The following DAAM1 variants were observed in gnomAD, a reference collection of about 807,000 sequenced individuals.
The protein encoded by DAAM1 is disheveled-associated activator of morphogenesis 1.
In DAAM1, 52 loss-of-function variants were observed where a neutral mutation model predicts 130.0. The ratio of observed to expected loss-of-function variants is 0.40; its 90% CI spans 0.32 to 0.50. DAAM1 has a LOEUF of 0.50. Ranked by LOEUF, DAAM1 falls within the 20% of genes least tolerant of loss-of-function variation. The pLI is 0.61. For synonymous variants in DAAM1, 452 were observed against 444.5 expected (o/e 1.02, Z -0.21); for missense variants, 1,134 against 1,303.8 (o/e 0.87, Z 2.01).
chr14:59,323,359 C>A, intron 6 of DAAM1, 134 bp downstream of exon 6: 1 of 949,794 alleles, frequency 1.1e-6, no homozygotes, highest in Non-Finnish European at 1.5e-6. Context: ...TGACTTTAAA[C>A]ATTCCCTTCT....
rs1266272239 is a variant in DAAM1, at chr14:59,241,156, T to C, written c.-37-22285T>C. ...GGAATGAGAACTTCCTGAAATCATA[T>C]ACTGCATTTTGTATGTATGTAGAGG... On this transcript the variant is annotated intron_variant, in intron 1 of 24. Coordinates refer to ENST00000360909, the MANE Select transcript of DAAM1 (RefSeq NM_001270520.2). Among the ~76,000 whole-genome samples, 3 of 152,252 alleles carry C rather than the reference T, an allele frequency of 2.0e-5. No homozygotes were observed. The East Asian group carries it at 5.8e-4, about 29-fold the overall frequency.
At chr14:59,292,366 C>T (rs912946420) in intron 3 of DAAM1, among the ~76,000 whole-genome samples, 1 of 152,154 alleles carries the variant, frequency 6.6e-6, no homozygotes, top group African/African-American at 2.4e-5. Flanking sequence ...CTCCATTGGC[C>T]CATGTGGCAT....
At chr14:59,269,715 G>A (rs1253001) in intron 2 of DAAM1, among the ~76,000 whole-genome samples, 20,994 of 152,084 alleles carry the variant, frequency 0.14, 1,634 homozygotes, top group Middle Eastern at 0.2. Flanking sequence ...GCCTTCCTCG[G>A]GGAAGTGACA....
chr14:59,207,614 T>C (rs971674324), intron 1 of DAAM1, among the ~76,000 whole-genome samples: 5 of 152,236 alleles, frequency 3.3e-5, no homozygotes, highest in Admixed American at 2.6e-4. Flanking sequence ...TCTATGCTTG[T>C]TGAGAGAGTA....
At chr14:59,331,545 G>C (rs752659061) in intron 14 of DAAM1, 37 bp downstream of exon 14, 7 of 1,537,108 alleles carry the variant, frequency 4.6e-6, no homozygotes, top group Non-Finnish European at 6.1e-6. Flanking sequence ...TTAATGGATA[G>C]CATTAGCAGC....
chr14:59,237,050 A>G (rs1889326113), intron 1 of DAAM1, among the ~76,000 whole-genome samples: 1 of 152,172 alleles, frequency 6.6e-6, no homozygotes, highest in Admixed American at 6.5e-5. Context: ...ACTGTTGGTG[A>G]GGGGGCACTT....
At chr14:59,204,311 C>T (rs2139399367) in intron 1 of DAAM1, among the ~76,000 whole-genome samples, 1 of 152,324 alleles carries the variant, frequency 6.6e-6, no homozygotes. Context: ...GACCATGGGA[C>T]TGAGGACCAC....
chr14:59,191,731 T>C (rs1193165685), intron 1 of DAAM1, among the ~76,000 whole-genome samples: 3 of 152,198 alleles, frequency 2.0e-5, no homozygotes, highest in Non-Finnish European at 4.4e-5. Flanking sequence ...AGTTGCACTA[T>C]CCTTGGCCCA....
chr14:59,243,267 A>G lies in DAAM1; in HGVS notation c.-37-20174A>G, dbSNP rs564503255. On this transcript the variant is annotated intron_variant, in intron 1 of 24. Transcript: ENST00000360909. The stretch of plus-strand genomic sequence containing the variant: ...TCCAGCTTTCTTCACTGCTTTGTGT[A>G]GGTCCAGATTTCTGTTTGGTCTCAA... Among the ~76,000 whole-genome samples, 15 of 152,196 alleles carry G rather than the reference A, an allele frequency of 9.9e-5. No individual in the cohort carries two copies. In the South Asian group the frequency reaches 2.5e-3, roughly 25 times the overall value.
At chr14:59,366,931 A>C (rs916335153) in intron 23 of DAAM1, among the ~76,000 whole-genome samples, 7 of 151,754 alleles carry the variant, frequency 4.6e-5, no homozygotes, top group African/African-American at 1.2e-4. Context: ...AAAAAAAAAA[A>C]AACTAATAAC....
chr14:59,258,408 C>G (rs1882008203), intron 1 of DAAM1, among the ~76,000 whole-genome samples: 1 of 152,184 alleles, frequency 6.6e-6, no homozygotes. Context: ...AAACTTCTGT[C>G]TTCCTGATGG....
chr14:59,324,742 T>G (rs1170886314), intron 8 of DAAM1, among the ~76,000 whole-genome samples: 1 of 152,226 alleles, frequency 6.6e-6, no homozygotes, highest in East Asian at 1.9e-4. Flanking sequence ...TACTCAATTT[T>G]TCTGAATTTT....
At position 59,370,371 on chromosome 14, in the gene DAAM1, A is replaced by G. The variant is rs1412992467; in HGVS notation, c.*1512A>G. 6.6e-6 allele frequency: 1 copy of G among 152,030 alleles called. No homozygotes were observed. Among genetic ancestry groups the G allele is most frequent in the Non-Finnish European group, 1.5e-5 (1 of 67,978 alleles). 9.4% of individuals were successfully genotyped at this position (152,030 alleles called of 1,614,324 possible). On this transcript the variant is annotated 3_prime_UTR_variant, in exon 25 of 25. Transcript: ENST00000360909. ...ATGTACCAGGCATAGTAGGGCTACAATGGTAAGCAAGACAGAGTCCCTGCC... is the reference window on the plus strand; with the variant it reads ...ATGTACCAGGCATAGTAGGGCTACAGTGGTAAGCAAGACAGAGTCCCTGCC...
At chr14:59,230,159 C>T (rs1889058273) in intron 1 of DAAM1, among the ~76,000 whole-genome samples, 1 of 152,156 alleles carries the variant, frequency 6.6e-6, no homozygotes, top group Admixed American at 6.5e-5. Flanking sequence ...CCTCTTACCA[C>T]TTCCTTACAA....
At chr14:59,254,989 A>G (rs1259555654) in intron 1 of DAAM1, among the ~76,000 whole-genome samples, 1 of 152,132 alleles carries the variant, frequency 6.6e-6, no homozygotes, top group Non-Finnish European at 1.5e-5. Context: ...TCTAGGGAGA[A>G]AGTGGGCAGT....
chr14:59,315,984 G>A (rs1884777614), intron 4 of DAAM1, among the ~76,000 whole-genome samples: 2 of 152,172 alleles, frequency 1.3e-5, no homozygotes, highest in South Asian at 4.1e-4. Context: ...TAATCACATG[G>A]ATGTCTGTGA....
At chr14:59,204,424 A>G (rs916853553) in intron 1 of DAAM1, among the ~76,000 whole-genome samples, 5 of 152,218 alleles carry the variant, frequency 3.3e-5, no homozygotes, top group African/African-American at 4.8e-5. Context: ...GCTTTCTTCC[A>G]TGCCACGTGG....
At chr14:59,352,222 A>G (rs1886317064) in intron 17 of DAAM1, among the ~76,000 whole-genome samples, 1 of 151,984 alleles carries the variant, frequency 6.6e-6, no homozygotes, top group African/African-American at 2.4e-5. Flanking sequence ...GAGAGCATTG[A>G]CTCCCTAAGG....
At chr14:59,367,149 A>ATGGTGGTTT (rs1011977715) in intron 23 of DAAM1, among the ~76,000 whole-genome samples, 10 of 151,992 alleles carry the variant, frequency 6.6e-5, no homozygotes, top group African/African-American at 2.4e-4. Flanking sequence ...TTAGCCAGGC[A>ATGGTGGTTT]TGGTGGTTTG....
Sources: allele counts gnomAD v4.1 joint callset (sites outside exome capture counted in the v4.1 genomes callset), GRCh38; gene constraint gnomAD v4.1.1; transcripts MANE v1.5; gene names NCBI Gene and HGNC (gene_info 2026-07-23, HGNC 2026-07-21).